TMEM266: variants seen among roughly 807,000 people sequenced by gnomAD.
TMEM266 encodes Hv1 related protein 1.
TMEM266 carries 33 observed loss-of-function variants against 50.5 expected under a neutral mutation model. The observed-to-expected ratio is 0.65, with a 90% confidence interval of 0.50 to 0.87. The LOEUF is 0.87. Ranked by LOEUF, TMEM266 falls within the 40% of genes least tolerant of loss-of-function variation. The probability of loss-of-function intolerance (pLI) is 0.00; values close to 1 mark genes in which losing one functional copy is unlikely to be tolerated. For missense variants in TMEM266, 655 were observed against 695.1 expected (o/e 0.94, Z 0.65); for synonymous variants, 310 against 292.3 (o/e 1.06, Z -0.62).
intron 1 of TMEM266, among the ~76,000 whole-genome samples, chr15:76,124,944 A>G (rs1165221047): frequency 1.3e-5 from 2 of 152,224 alleles, no homozygotes; most frequent in African/African-American, 4.8e-5. Flanking sequence ...GATTTAAGCT[A>G]TATTACAAAG....
intron 4 of TMEM266, among the ~76,000 whole-genome samples, chr15:76,157,044 T>C (rs1395142230): frequency 4.6e-5 from 7 of 152,188 alleles, no homozygotes; most frequent in Non-Finnish European, 1.0e-4. Flanking sequence ...ATGAAAAACG[T>C]TGGGGACCCC....
intron 1 of TMEM266, among the ~76,000 whole-genome samples, chr15:76,116,305 C>A (rs1246136024): frequency 2.0e-5 from 3 of 152,138 alleles, no homozygotes; most frequent in African/African-American, 7.2e-5. Flanking sequence ...CGATAAGGCT[C>A]CGTAGCTTAC....
chr15:76,103,176 A>G (rs2037030115), intron 1 of TMEM266, among the ~76,000 whole-genome samples: 1 of 152,074 alleles, frequency 6.6e-6, no homozygotes, highest in Non-Finnish European at 1.5e-5. Context: ...GGTAAAACTG[A>G]CATACTCGCT....
At chr15:76,202,170 G>T in intron 9 of TMEM266, 32 bp from the exon 10 acceptor site, 1 of 1,578,648 alleles carries the variant, frequency 6.3e-7, no homozygotes. Flanking sequence ...TGAACTTGAT[G>T]CACTCACCCT....
chr15:76,112,265 CAA>C (rs1228634796), intron 1 of TMEM266, among the ~76,000 whole-genome samples: 2 of 152,254 alleles, frequency 1.3e-5, no homozygotes, highest in South Asian at 2.1e-4. Flanking sequence ...GTAAACAACA[CAA>C]AGAGTGACCC....
intron 1 of TMEM266, among the ~76,000 whole-genome samples, chr15:76,082,169 C>T (rs1444355110): frequency 1.3e-5 from 2 of 152,182 alleles, no homozygotes; most frequent in East Asian, 1.9e-4. Context: ...TCTCTTTTTC[C>T]TTTAGGTGTC....
At chr15:76,074,795 G>A (rs928604302) in intron 1 of TMEM266, among the ~76,000 whole-genome samples, 1 of 152,060 alleles carries the variant, frequency 6.6e-6, no homozygotes, top group Non-Finnish European at 1.5e-5. Context: ...TTAGAGGGCT[G>A]TTTCAGTAAC....
At chr15:76,140,271 A>AG (rs1323192716) in intron 3 of TMEM266, among the ~76,000 whole-genome samples, 8 of 152,234 alleles carry the variant, frequency 5.3e-5, no homozygotes, top group Non-Finnish European at 1.2e-4. Context: ...GCGCAGGCAC[A>AG]GGACCGGAGC....
chr15:76,093,128 T>C (rs1368316401), intron 1 of TMEM266, among the ~76,000 whole-genome samples: 2 of 151,648 alleles, frequency 1.3e-5, no homozygotes, highest in African/African-American at 4.8e-5. Context: ...TATTTATTTA[T>C]TTATTTATTC....
chr15:76,105,250 A>T (rs1302579520), intron 1 of TMEM266, among the ~76,000 whole-genome samples: 8 of 152,192 alleles, frequency 5.3e-5, no homozygotes, highest in Middle Eastern at 6.8e-3. Context: ...CATCTCAAAA[A>T]AAAAGTAAAG....
At chr15:76,122,680 T>G (rs764557298) in intron 1 of TMEM266, among the ~76,000 whole-genome samples, 15 of 152,192 alleles carry the variant, frequency 9.9e-5, no homozygotes, top group Non-Finnish European at 2.1e-4. Context: ...TAGCTCATTG[T>G]TGGTGGTTCT....
chr15:76,104,955 C>G (rs916565737), intron 1 of TMEM266, among the ~76,000 whole-genome samples: 11 of 152,060 alleles, frequency 7.2e-5, no homozygotes, highest in Admixed American at 5.9e-4. Flanking sequence ...CACGGTGGCT[C>G]ACACCTGTAA....
At chr15:76,081,803 C>G (rs551878167) in intron 1 of TMEM266, among the ~76,000 whole-genome samples, 1 of 152,286 alleles carries the variant, frequency 6.6e-6, no homozygotes, top group South Asian at 2.1e-4. Context: ...ATCATGGGGA[C>G]AATCCATGGC....
chr15:76,110,204 C>A (rs753263181), intron 1 of TMEM266, among the ~76,000 whole-genome samples: 1 of 151,144 alleles, frequency 6.6e-6, no homozygotes, highest in Non-Finnish European at 1.5e-5. Context: ...GGGGTTTCAC[C>A]ATGTTGGCCA....
rs186253733 is a variant in TMEM266, at chr15:76,159,899, T to G, written c.383-196T>G. 1.4e-3 allele frequency among the ~76,000 whole-genome samples: 218 copies of G among 152,102 alleles called. 6 individuals are homozygous for G. In the East Asian group the frequency reaches 0.03, roughly 21 times the overall value. Reference sequence around the variant, plus strand: ...AGGCAAGAAGAACAGCATCGTTGGCTCCCAAATGTCCTACTGCCTTCACTG... The same window carrying G: ...AGGCAAGAAGAACAGCATCGTTGGCGCCCAAATGTCCTACTGCCTTCACTG... On this transcript the variant is annotated intron_variant, in intron 4 of 10. Transcript: ENST00000388942.
rs768536370 is a variant in TMEM266, at chr15:76,161,371, G to GGCGT, written c.456+1205_456+1208dup. On this transcript the variant is annotated intron_variant, in intron 5 of 10. Coordinates refer to ENST00000388942, the MANE Select transcript of TMEM266 (RefSeq NM_152335.3). This position sits in a 1 kb window ranked among gnomAD's most constrained non-coding sequence, Gnocchi z 4.1. ...GAGGAAGGATGCTATGGGAGAGGGT[G>GGCGT]GCGTGGGCAGAGGCACTGAGGTGGG... Among the ~76,000 whole-genome samples the GGCGT allele has an allele frequency of 2.0e-5, 3 of 152,112 alleles. No homozygotes were observed. Among genetic ancestry groups the GGCGT allele is most frequent in the Non-Finnish European group, 4.4e-5 (3 of 68,012 alleles).
chr15:76,150,337 G>C (rs1002154084), intron 3 of TMEM266, among the ~76,000 whole-genome samples: 4 of 152,268 alleles, frequency 2.6e-5, no homozygotes, highest in African/African-American at 2.4e-5. Context: ...CCTGCTACCA[G>C]GCAGCTTCCA....
rs928097383 is a variant in TMEM266 at position 76,139,714 on chromosome 15, T to C, written c.227+1819T>C. Among the ~76,000 whole-genome samples the C allele has an allele frequency of 2.6e-5, 4 of 152,256 alleles. No homozygotes were observed. Among genetic ancestry groups the C allele is most frequent in the African/African-American group, 9.6e-5 (4 of 41,472 alleles). Reference sequence around the variant, plus strand: ...GCAGCCTTCTAACATGCCCTAGCTATTTCGGAGAATTCATTTCCTGCCCCC... The same window carrying C: ...GCAGCCTTCTAACATGCCCTAGCTACTTCGGAGAATTCATTTCCTGCCCCC... On this transcript the variant is annotated intron_variant, in intron 3 of 10. Coordinates refer to ENST00000388942, the MANE Select transcript of TMEM266 (RefSeq NM_152335.3). This position sits in a 1 kb window ranked among gnomAD's most constrained non-coding sequence, Gnocchi z 4.1.
At chr15:76,156,888 C>T in intron 4 of TMEM266, 130 bp downstream of exon 4, 1 of 947,310 alleles carries the variant, frequency 1.1e-6, no homozygotes, top group Non-Finnish European at 1.6e-6. Flanking sequence ...CAGCCTCAGG[C>T]CCTGGGGCTC....
Sources: allele counts gnomAD v4.1 joint callset (sites outside exome capture counted in the v4.1 genomes callset), GRCh38; gene constraint gnomAD v4.1.1; non-coding constraint Gnocchi (gnomAD v3.1); transcripts MANE v1.5; gene names NCBI Gene and HGNC (gene_info 2026-07-23, HGNC 2026-07-21).